RARB: variants seen among roughly 807,000 people sequenced by gnomAD.
RARB encodes HBV-activated protein.
Under a neutral mutation model 51.9 loss-of-function variants are expected in RARB, and 17 were observed. That is an observed-to-expected ratio of 0.33 (90% CI 0.22 to 0.49). RARB has a LOEUF of 0.49. RARB is among the 20% of genes least tolerant of loss of function. RARB has a pLI of 0.99. For synonymous variants in RARB, 215 were observed against 195.4 expected (o/e 1.10, Z -0.84); for missense variants, 369 against 550.8 (o/e 0.67, Z 3.30).
intron 1 of RARB, among the ~76,000 whole-genome samples, chr3:24,852,182 A>G (rs1429661147): frequency 1.3e-5 from 2 of 152,244 alleles, no homozygotes; most frequent in East Asian, 1.9e-4. Context: ...CATTACATAC[A>G]GCAGGCCTCC....
chr3:25,261,365 G>C (rs1702993415), intron 5 of RARB, among the ~76,000 whole-genome samples: 1 of 151,894 alleles, frequency 6.6e-6, no homozygotes, highest in Non-Finnish European at 1.5e-5. Context: ...AGTTCTCCAG[G>C]CTGTTTTCTG....
At chr3:25,449,070 G>A (rs1200924050) in intron 1 of RARB, among the ~76,000 whole-genome samples, 1 of 152,044 alleles carries the variant, frequency 6.6e-6, no homozygotes, top group Non-Finnish European at 1.5e-5. Flanking sequence ...GAGGGAAGGA[G>A]AACCTGCGTA....
chr3:25,339,862 C>A (rs1705178084), intron 5 of RARB, among the ~76,000 whole-genome samples: 1 of 152,146 alleles, frequency 6.6e-6, no homozygotes, highest in Admixed American at 6.6e-5. Flanking sequence ...TCATCCTCAA[C>A]AGTTTCCACA....
intron 5 of RARB, among the ~76,000 whole-genome samples, chr3:25,329,800 C>T (rs756253851): frequency 3.9e-5 from 6 of 152,012 alleles, no homozygotes; most frequent in Non-Finnish European, 7.4e-5. Flanking sequence ...CTAGAATAAC[C>T]AGTGTAGAGA....
intron 2 of RARB, among the ~76,000 whole-genome samples, chr3:24,947,160 G>T (rs981413407): frequency 6.6e-6 from 1 of 152,182 alleles, no homozygotes; most frequent in South Asian, 2.1e-4. Context: ...GAGAAACATG[G>T]GCAAATTATA....
At chr3:25,479,385 T>C (rs1696119032) in intron 2 of RARB, among the ~76,000 whole-genome samples, 1 of 152,242 alleles carries the variant, frequency 6.6e-6, no homozygotes, top group African/African-American at 2.4e-5. Context: ...CATGGTATTA[T>C]GCAGTCCATG....
chr3:25,582,394 A>T (rs1322025945), intron 5 of RARB, among the ~76,000 whole-genome samples: 1 of 152,036 alleles, frequency 6.6e-6, no homozygotes, highest in Non-Finnish European at 1.5e-5. Context: ...ATGCTGTGTC[A>T]TTCTGACAGC....
intron 3 of RARB, among the ~76,000 whole-genome samples, chr3:25,503,839 A>G (rs139735323): frequency 6.6e-6 from 1 of 152,368 alleles, no homozygotes; most frequent in African/African-American, 2.4e-5. Context: ...ATAGAATGTT[A>G]GAAGTGAAAA....
intron 2 of RARB, among the ~76,000 whole-genome samples, chr3:25,496,303 C>A (rs1299874027): frequency 6.6e-6 from 1 of 152,168 alleles, no homozygotes; most frequent in African/African-American, 2.4e-5. Context: ...CATTTTCCTG[C>A]CAGTTTTTGC....
chr3:25,338,041 A>C lies in RARB; in HGVS notation c.179-123152A>C, dbSNP rs74627420. Among the ~76,000 whole-genome samples the C allele has an allele frequency of 5.6e-3, 847 of 150,810 alleles. 14 individuals are homozygous for C. Among genetic ancestry groups the C allele is most frequent in the African/African-American group, 0.019 (803 of 41,186 alleles). Reference sequence around the variant, plus strand: ...TCACTGAACCACAGGTTTCACAATAAAATCACCGTTATTGAGCATTGAAGC... The same window carrying C: ...TCACTGAACCACAGGTTTCACAATACAATCACCGTTATTGAGCATTGAAGC... On this transcript the variant is annotated intron_variant, in intron 5 of 11. Transcript: ENST00000383772.
chr3:25,365,616 A>G (rs1456134320), intron 5 of RARB, among the ~76,000 whole-genome samples: 1 of 152,174 alleles, frequency 6.6e-6, no homozygotes, highest in Non-Finnish European at 1.5e-5. Flanking sequence ...CAGCAAAAAA[A>G]TGTCCAAAGT....
At chr3:25,084,045 C>T (rs74579733) in intron 3 of RARB, among the ~76,000 whole-genome samples, 2,031 of 152,304 alleles carry the variant, frequency 0.013, 42 homozygotes, top group African/African-American at 0.046. Context: ...CTCTCAGTCT[C>T]ATCCTCTGGA....
At chr3:25,408,637 A>T (rs1387038644) in intron 5 of RARB, among the ~76,000 whole-genome samples, 4 of 152,206 alleles carry the variant, frequency 2.6e-5, no homozygotes, top group Non-Finnish European at 5.9e-5. Context: ...CAGTACTACC[A>T]GTTCTTTCTC....
chr3:25,197,910 T>G (rs1701287936), intron 5 of RARB, among the ~76,000 whole-genome samples: 1 of 152,042 alleles, frequency 6.6e-6, no homozygotes, highest in South Asian at 2.1e-4. Flanking sequence ...AATGACATTC[T>G]TCACAGAAAT....
chr3:25,019,248 TAAATC>T (rs1697577466), intron 2 of RARB, among the ~76,000 whole-genome samples: 2 of 152,288 alleles, frequency 1.3e-5, no homozygotes, highest in South Asian at 4.1e-4. Flanking sequence ...CTAAAAATGT[TAAATC>T]AAATTCAGAA....
intron 5 of RARB, among the ~76,000 whole-genome samples, chr3:25,201,153 G>C (rs1701379632): frequency 6.6e-6 from 1 of 152,076 alleles, no homozygotes. Flanking sequence ...CACATCCCTT[G>C]TAAGTTGTGT....
At chr3:24,896,638 A>C (rs1234620642) in intron 2 of RARB, among the ~76,000 whole-genome samples, 1 of 152,174 alleles carries the variant, frequency 6.6e-6, no homozygotes, top group East Asian at 1.9e-4. Context: ...GGATATGTTA[A>C]TGCCACTGAA....
At chr3:24,954,030 C>T (rs1363009334) in intron 2 of RARB, among the ~76,000 whole-genome samples, 1 of 152,020 alleles carries the variant, frequency 6.6e-6, no homozygotes, top group Non-Finnish European at 1.5e-5. Context: ...TTGTTTCTTC[C>T]TTTCTCTCTT....
chr3:25,536,698 G>T lies in RARB; in HGVS notation c.449-33060G>T, dbSNP rs182367831. Among the ~76,000 whole-genome samples, 16 of 152,326 alleles carry T rather than the reference G, an allele frequency of 1.1e-4. No homozygotes were observed. The East Asian group carries it at 3.1e-3, about 29-fold the overall frequency. On this transcript the variant is annotated intron_variant, in intron 3 of 7. Transcript: ENST00000330688. Reference sequence around the variant, plus strand: ...CTGCAGGGAAAAATAAAATGCAGATGTGTTGCTGTGTTGAGCAAATGCAGC... The same window carrying T: ...CTGCAGGGAAAAATAAAATGCAGATTTGTTGCTGTGTTGAGCAAATGCAGC...
Sources: gnomAD v4.1 joint callset for allele counts (sites outside exome capture counted in the v4.1 genomes callset) on GRCh38, gnomAD v4.1.1 for gene constraint, MANE v1.5 for transcripts, NCBI Gene and HGNC (gene_info 2026-07-23, HGNC 2026-07-21) for gene names.